PARD3: variants seen among roughly 807,000 people sequenced by gnomAD.
PARD3 encodes partitioning defective 3 homolog.
In PARD3, 75 loss-of-function variants were observed where a neutral mutation model predicts 155.4. The observed-to-expected ratio is 0.48, with a 90% CI of 0.40 to 0.58. The LOEUF (loss-of-function observed/expected upper bound fraction) is 0.58, where lower values mean the gene tolerates loss of function less well. Ranked by LOEUF, PARD3 falls within the 20% of genes least tolerant of loss-of-function variation. PARD3 has a pLI of 0.00. For missense variants in PARD3, 1,642 were observed against 1,721.7 expected, an observed-to-expected ratio of 0.95 and a Z score of 0.82; for synonymous variants, 576 against 610.5, an observed-to-expected ratio of 0.94 and a Z score of 0.83.
At chr10:34,599,306 C>T (rs890813490) in intron 2 of PARD3, among the ~76,000 whole-genome samples, 2 of 152,164 alleles carry the variant, frequency 1.3e-5, no homozygotes, top group Non-Finnish European at 2.9e-5. Context: ...ATAGCTAACC[C>T]TCACTTCAGC....
chr10:34,119,947 A>G (rs1362735504), intron 23 of PARD3, among the ~76,000 whole-genome samples: 1 of 139,346 alleles, frequency 7.2e-6, no homozygotes, highest in Non-Finnish European at 1.6e-5. Context: ...TTAAACTGTG[A>G]TTTTGGCTTT....
At position 34,720,154 on chromosome 10, in the gene PARD3, C is replaced by A. The variant is rs113043913; in HGVS notation, c.121-23735G>T. ...TTTTTTACTTTTAAAAATTTGCAAA[C>A]GGGCACGGCGGCTCATGCCTGTAAT... On this transcript the variant is annotated intron_variant, in intron 1 of 24. Transcript: ENST00000374788. Among the ~76,000 whole-genome samples the A allele has an allele frequency of 5.4e-3, 819 of 152,284 alleles. 8 individuals are homozygous for A. Among genetic ancestry groups the A allele is most frequent in the African/African-American group, 0.019 (778 of 41,556 alleles).
chr10:34,307,765 A>C (rs1202040860), intron 20 of PARD3, among the ~76,000 whole-genome samples: 1 of 152,144 alleles, frequency 6.6e-6, no homozygotes. Flanking sequence ...CATCTGTTAC[A>C]CTTACTGGGC....
chr10:34,351,646 T>C (rs931402924), intron 14 of PARD3, among the ~76,000 whole-genome samples: 3 of 152,208 alleles, frequency 2.0e-5, no homozygotes, highest in Admixed American at 1.3e-4. Flanking sequence ...AAATGTGAGG[T>C]GAGCTCCTCA....
intron 8 of PARD3, 129 bp from the exon 9 acceptor site, chr10:34,383,051 T>C: frequency 1.1e-6 from 1 of 888,528 alleles, no homozygotes; most frequent in Non-Finnish European, 1.8e-6. Flanking sequence ...AGCAAAATTC[T>C]AATAACCCAT....
At chr10:34,567,737 T>C (rs2086072209) in intron 2 of PARD3, among the ~76,000 whole-genome samples, 1 of 152,132 alleles carries the variant, frequency 6.6e-6, no homozygotes, top group Non-Finnish European at 1.5e-5. Context: ...AACAATAAGA[T>C]AAAAATAGGA....
chr10:34,469,835 A>C (rs2078238019), intron 4 of PARD3, among the ~76,000 whole-genome samples: 1 of 152,166 alleles, frequency 6.6e-6, no homozygotes, highest in Non-Finnish European at 1.5e-5. Context: ...TATGAAATGG[A>C]ATCTATTCAA....
chr10:34,397,692 T>C lies in PARD3; in HGVS notation c.890+1638A>G, dbSNP rs75361568. ...TTCATCTGTTCACTTTACCCTAATA[T>C]CCTTTCACAGTGAGGTAGAAAATAC... On this transcript the variant is annotated intron_variant, in intron 7 of 24. Coordinates refer to ENST00000374788, the MANE Select transcript of PARD3 (RefSeq NM_001184785.2). Among the ~76,000 whole-genome samples the C allele has an allele frequency of 3.0e-3, 455 of 152,284 alleles. 2 individuals carry two copies. The highest frequency in any genetic ancestry group is 0.01 in the African/African-American group (431 of 41,570).
At position 34,397,031 on chromosome 10, in the gene PARD3, C is replaced by T. The variant is rs531199070; in HGVS notation, c.890+2299G>A. Among the ~76,000 whole-genome samples the T allele has an allele frequency of 1.3e-4, 20 of 152,304 alleles. No homozygotes were observed. In the South Asian group the frequency reaches 2.5e-3, roughly 19 times the overall value. On this transcript the variant is annotated intron_variant, in intron 7 of 24. Transcript: ENST00000374788. ...TTGTGTGATTTCTTGGCTATCACTCCGTCTAGACTGCAAATCTCTGGAGGA... is the reference window on the plus strand; with the variant it reads ...TTGTGTGATTTCTTGGCTATCACTCTGTCTAGACTGCAAATCTCTGGAGGA...
At chr10:34,562,137 A>G (rs999127365) in intron 2 of PARD3, among the ~76,000 whole-genome samples, 3 of 148,304 alleles carry the variant, frequency 2.0e-5, no homozygotes, top group Non-Finnish European at 4.5e-5. Flanking sequence ...AAAAAAAAAA[A>G]AAAAAAAAAA....
In PARD3 at chr10:34,453,249, C is replaced by A. The variant is rs563269868; in HGVS notation, c.583-2801G>T. Among the ~76,000 whole-genome samples, 7 of 152,282 alleles carry A rather than the reference C, an allele frequency of 4.6e-5. No individual in the cohort carries two copies. In the East Asian group the frequency reaches 1.2e-3, roughly 25 times the overall value. On this transcript the variant is annotated intron_variant, in intron 4 of 24. Transcript: ENST00000374788. ...GAAATACTGAACATTCTTCAAAGCC[C>A]AGTTCAAACGCTATTTTCTAAGAAG...
chr10:34,667,867 C>T (rs1163233359), intron 2 of PARD3, among the ~76,000 whole-genome samples: 1 of 152,204 alleles, frequency 6.6e-6, no homozygotes, highest in Non-Finnish European at 1.5e-5. Flanking sequence ...CTCCATTCTC[C>T]TCCGTGCAGC....
At chr10:34,359,448 G>T in intron 13 of PARD3, 131 bp from the exon 14 acceptor site, 1 of 641,536 alleles carries the variant, frequency 1.6e-6, no homozygotes, top group Non-Finnish European at 2.6e-6. Context: ...AATCCTAATG[G>T]ATTATGCCCA....
intron 3 of PARD3, among the ~76,000 whole-genome samples, chr10:34,503,560 C>T (rs1045604855): frequency 1.3e-5 from 2 of 152,320 alleles, no homozygotes; most frequent in African/African-American, 4.8e-5. Flanking sequence ...ACATTACATA[C>T]TTTTTAAAAA....
chr10:34,231,065 A>G (rs1952899916), intron 22 of PARD3, among the ~76,000 whole-genome samples: 1 of 151,934 alleles, frequency 6.6e-6, no homozygotes, highest in South Asian at 2.1e-4. Context: ...AGGTTACTCC[A>G]GTTGTATCCA....
At chr10:34,635,828 C>A (rs907235376) in intron 2 of PARD3, among the ~76,000 whole-genome samples, 3 of 152,034 alleles carry the variant, frequency 2.0e-5, no homozygotes, top group African/African-American at 4.8e-5. Context: ...GTTGATATTA[C>A]CCAGATTAAT....
chr10:34,298,540 G>A (rs190301826), intron 20 of PARD3, among the ~76,000 whole-genome samples: 1 of 152,302 alleles, frequency 6.6e-6, no homozygotes, highest in Admixed American at 6.5e-5. Flanking sequence ...AGCTCAAGTA[G>A]TCAAACTCAT....
In PARD3 at chr10:34,119,678, C is replaced by A. The variant is rs542081397; in HGVS notation, c.3603G>T (p.Gln1201His). The change falls in exon 24 of 25, where the codon CAG becomes CAT. Residue 1201 changes from glutamine to histidine, a missense_variant. Around this residue, in one of 3 missense-constraint regions of PARD3, gnomAD observed 1,529 missense variants for 1,587.3 expected, o/e 0.96. Transcript: ENST00000374788. ...TCTCGCGCTCCTCCTGCCGCTGCCG[C>A]TGCATCTGCACCTCCACGGACACCG... ...RHSVSVEVQM[Q>H]RQRQEERESS... 8 of 1,612,814 alleles carry A rather than the reference C, an allele frequency of 5.0e-6. No individual in the cohort carries two copies. The East Asian group carries it at 1.8e-4, about 36-fold the overall frequency.
chr10:34,312,241 T>C (rs532068679), intron 20 of PARD3: 1 of 1,577,162 alleles, frequency 6.3e-7, no homozygotes. Context: ...GTAAACAAAA[T>C]TCGTCAACAG....
Sources: allele counts gnomAD v4.1 joint callset (sites outside exome capture counted in the v4.1 genomes callset), GRCh38; gene constraint gnomAD v4.1.1; regional missense constraint gnomAD v4.1.1; transcripts MANE v1.5; gene names NCBI Gene and HGNC (gene_info 2026-07-23, HGNC 2026-07-21).